The following WWP2 variants were observed in gnomAD, a reference collection of about 807,000 sequenced individuals.
The protein encoded by WWP2 is NEDD4-like E3 ubiquitin-protein ligase WWP2.
WWP2 carries 57 observed loss-of-function variants against 121.0 expected under a neutral mutation model. The ratio of observed to expected loss-of-function variants is 0.47; its 90% CI spans 0.38 to 0.59. The LOEUF is 0.59. Among genes scored for constraint, WWP2 ranks in the 20% least tolerant of loss-of-function variants. The probability of loss-of-function intolerance (pLI) is 0.00; values close to 1 mark genes in which losing one functional copy is unlikely to be tolerated. For synonymous variants in WWP2, 449 were observed against 441.3 expected (o/e 1.02, Z -0.22); for missense variants, 962 against 1,158.9 (o/e 0.83, Z 2.47).
chr16:69,810,575 C>A (rs1299515537), intron 4 of WWP2, among the ~76,000 whole-genome samples: 1 of 149,852 alleles, frequency 6.7e-6, no homozygotes, highest in Non-Finnish European at 1.5e-5. Context: ...CTATAGGCAC[C>A]CACCACCACG....
At chr16:69,796,130 T>A (rs992393707) in intron 2 of WWP2, among the ~76,000 whole-genome samples, 10 of 152,190 alleles carry the variant, frequency 6.6e-5, no homozygotes, top group African/African-American at 2.4e-4. Context: ...ATTTTGATAA[T>A]TGTGCTATTG....
chr16:69,835,975 G>A (rs2056869801), intron 4 of WWP2, among the ~76,000 whole-genome samples: 1 of 151,846 alleles, frequency 6.6e-6, no homozygotes, highest in Admixed American at 6.6e-5. Context: ...GATAATTTTT[G>A]TATTTTTAGT....
At chr16:69,889,659 G>A (rs1203109620) in intron 8 of WWP2, among the ~76,000 whole-genome samples, 1 of 152,176 alleles carries the variant, frequency 6.6e-6, no homozygotes, top group Admixed American at 6.5e-5. Flanking sequence ...TAAAGGAAGG[G>A]CATGCTTCTG....
Position 69,924,878 on chromosome 16 carries a change from G to T in WWP2, c.1180-552G>T, listed in dbSNP as rs2058616367. Reference sequence around the variant, plus strand: ...TGGACGCTGCACACCCAGATGGGAGGTTGGGGGGGACGCCGAGGTGGAGGG... The same window carrying T: ...TGGACGCTGCACACCCAGATGGGAGTTTGGGGGGGACGCCGAGGTGGAGGG... On this transcript the variant is annotated intron_variant, in intron 10 of 23. Coordinates refer to ENST00000359154, the MANE Select transcript of WWP2 (RefSeq NM_001270454.2). 3.1e-6 allele frequency: 3 copies of T among 976,536 alleles called. No individual in the cohort carries two copies. The African/African-American group carries it at 5.2e-5, about 17-fold the overall frequency. 60.5% of individuals were successfully genotyped at this position (976,536 alleles called of 1,614,324 possible).
At chr16:69,839,676 TAAG>T (rs1256117140) in intron 4 of WWP2, among the ~76,000 whole-genome samples, 1 of 152,220 alleles carries the variant, frequency 6.6e-6, no homozygotes, top group Admixed American at 6.5e-5. Flanking sequence ...TTAACACAAA[TAAG>T]AAAAGAATAA....
At chr16:69,933,344 C>T (rs1005774814) in intron 16 of WWP2, among the ~76,000 whole-genome samples, 14 of 151,976 alleles carry the variant, frequency 9.2e-5, no homozygotes, top group African/African-American at 2.9e-4. Flanking sequence ...CAGATGAATG[C>T]GTGGAAGTGT....
intron 8 of WWP2, among the ~76,000 whole-genome samples, chr16:69,897,644 T>C (rs138686396): frequency 0.037 from 5,654 of 151,794 alleles, 295 homozygotes; most frequent in African/African-American, 0.12. Flanking sequence ...GCGCAGTGGC[T>C]CACGCCTGTA....
Position 69,799,458 on chromosome 16 carries a change from T to A in WWP2, c.340+163T>A. On this transcript the variant is annotated intron_variant, in intron 4 of 23. Transcript: ENST00000359154. This position sits in a 1 kb window ranked among gnomAD's most constrained non-coding sequence, Gnocchi z 4.5. ...TTTGGGAAGGCTGAGGGCTCCTCTC[T>A]GCCTCCACTACAGAGTTTAGCCCTC... is the stretch of plus-strand genomic sequence containing the variant. 2.3e-5 allele frequency: 21 copies of A among 914,266 alleles called. No homozygotes were observed. Among genetic ancestry groups the A allele is most frequent in the African/African-American group, 3.4e-5 (2 of 59,676 alleles). The allele number at this position is 914,266 out of a possible 1,614,324, so 56.6% of individuals were successfully genotyped here.
rs530183412 is a variant in WWP2, at chr16:69,778,766, C to T, written c.-15-8230C>T. Among the ~76,000 whole-genome samples the T allele has an allele frequency of 7.9e-5, 12 of 151,226 alleles. No homozygotes were observed. In the East Asian group the frequency reaches 1.4e-3, roughly 17 times the overall value. ...AAGCAATTCTCCTGCCTCAGCCTCC[C>T]GAGTAGCTGGGATTATAGTTGCGCC... On this transcript the variant is annotated intron_variant, in intron 1 of 23. Transcript: ENST00000359154.
At chr16:69,918,012 C>T (rs1403420213) in intron 10 of WWP2, 129 bp downstream of exon 10, 18 of 1,223,962 alleles carry the variant, frequency 1.5e-5, no homozygotes, top group Non-Finnish European at 2.0e-5. Context: ...GTGCTCTGCC[C>T]CTGGAGATTT....
intron 8 of WWP2, among the ~76,000 whole-genome samples, chr16:69,906,248 A>G (rs549025703): frequency 6.6e-6 from 1 of 151,714 alleles, no homozygotes; most frequent in Admixed American, 6.6e-5. Context: ...ATTTTTTTAT[A>G]TTTTTAGTAG....
At chr16:69,771,844 G>A (rs2055422537) in intron 1 of WWP2, among the ~76,000 whole-genome samples, 1 of 151,394 alleles carries the variant, frequency 6.6e-6, no homozygotes, top group South Asian at 2.1e-4. Context: ...TTATAATGTA[G>A]ACTTTCACTG....
intron 1 of WWP2, among the ~76,000 whole-genome samples, chr16:69,771,880 A>T (rs1420236531): frequency 6.8e-6 from 1 of 147,856 alleles, no homozygotes; most frequent in East Asian, 2.0e-4. Context: ...ATGGTGCCTT[A>T]TCCCTATTGT....
rs1025004339 is a variant in WWP2, at chr16:69,935,066, G to A, written c.1843-787G>A. ...AAAGGGAGGTCCTGCCACGTGCCCC[G>A]TTGAGGGTCCTGGGAGCGTGGAGAA... On this transcript the variant is annotated intron_variant, in intron 17 of 23. Transcript: ENST00000359154. This position sits in a 1 kb window ranked among gnomAD's most constrained non-coding sequence, Gnocchi z 5.2. Among the ~76,000 whole-genome samples the A allele has an allele frequency of 3.3e-5, 5 of 152,196 alleles. No individual in the cohort carries two copies. The highest frequency in any genetic ancestry group is 1.3e-4 in the Admixed American group (2 of 15,284).
intron 7 of WWP2, among the ~76,000 whole-genome samples, chr16:69,876,237 C>G: frequency 6.6e-6 from 1 of 152,042 alleles, no homozygotes; most frequent in East Asian, 1.9e-4. Flanking sequence ...GGATTGTAGG[C>G]TTAAGCCTTT....
Position 69,798,771 on chromosome 16 carries a change from A to C in WWP2, c.160A>C (p.Lys54Gln), listed in dbSNP as rs763732833. 1 of 1,614,122 alleles carries C rather than the reference A, an allele frequency of 6.2e-7. No homozygotes were observed. The highest frequency in any genetic ancestry group is 8.5e-7 in the Non-Finnish European group (1 of 1,180,016). Reference protein sequence around the residue: ...VAVDGLPSETKKTGKRIGSSE... With the variant: ...VAVDGLPSETQKTGKRIGSSE... ...GGTGGATGGACTCCCCAGTGAGACCAAGAAGACTGGGAAGCGCATTGGGAG... is the reference window on the plus strand; with the variant it reads ...GGTGGATGGACTCCCCAGTGAGACCCAGAAGACTGGGAAGCGCATTGGGAG... Residue 54 changes from lysine (K) to glutamine (Q), a missense_variant, in exon 3 of 24, where the codon AAG becomes CAG. This residue lies in a region of WWP2 where 145 missense variants were observed against 189.8 expected (regional missense o/e 0.76). Coordinates refer to ENST00000359154, the MANE Select transcript of WWP2 (RefSeq NM_001270454.2).
Position 69,920,622 on chromosome 16 carries a change from T to TAA in WWP2, c.1179+2750_1179+2751dup, listed in dbSNP as rs562311594. Among the ~76,000 whole-genome samples the TAA allele has an allele frequency of 8.3e-5, 12 of 144,690 alleles. No individual in the cohort carries two copies. In the East Asian group the frequency reaches 2.2e-3, roughly 27 times the overall value. 94.9% of individuals were successfully genotyped at this position (144,690 alleles called of 152,430 possible). ...TACCTGATTATCCAAAATTTCTCAT[T>TAA]AAAAAAAAAAAATGGAACCGAATGT... On this transcript the variant is annotated intron_variant, in intron 10 of 23. Coordinates refer to ENST00000359154, the MANE Select transcript of WWP2 (RefSeq NM_001270454.2).
Position 69,888,166 on chromosome 16 carries a change from A to C in WWP2, c.831A>C (p.Thr277=), listed in dbSNP as rs747847830. The C allele has an allele frequency of 1.2e-6, 2 of 1,614,058 alleles. No individual in the cohort carries two copies. Among genetic ancestry groups the C allele is most frequent in the African/African-American group, 2.7e-5 (2 of 74,906 alleles). Residue 277 remains threonine, a synonymous_variant, in exon 8 of 24, where the codon ACA becomes ACC. Coordinates refer to ENST00000359154, the MANE Select transcript of WWP2 (RefSeq NM_001270454.2). ...PNTTSLPAPA[T]PAEGEEPSTS... ...CGACTTCTCTCCCTGCCCCAGCCAC[A>C]CCGGCTGAAGGAGAGGAACCCAGCA...
At chr16:69,862,057 G>T (rs2057431411) in intron 6 of WWP2, among the ~76,000 whole-genome samples, 1 of 152,002 alleles carries the variant, frequency 6.6e-6, no homozygotes, top group South Asian at 2.1e-4. Context: ...CAATAATCAG[G>T]TTGTTTTGTT....
Sources: gnomAD v4.1 joint callset for allele counts (sites outside exome capture counted in the v4.1 genomes callset) on GRCh38, gnomAD v4.1.1 for gene constraint, gnomAD v4.1.1 regional missense constraint, Gnocchi (gnomAD v3.1) non-coding constraint, MANE v1.5 for transcripts, NCBI Gene and HGNC (gene_info 2026-07-23, HGNC 2026-07-21) for gene names.